Variants in VWDE observed in about 807,000 individuals in gnomAD.
VWDE encodes the protein von Willebrand factor D and EGF domains.
Under a neutral mutation model 178.4 loss-of-function variants are expected in VWDE, and 207 were observed. The observed-to-expected ratio is 1.16, with a 90% CI of 1.04 to 1.30. The LOEUF is 1.30. Ranked by LOEUF, VWDE falls within the 50% of genes most tolerant of loss-of-function variation. The pLI is 0.00. For synonymous variants in VWDE, 738 were observed against 651.4 expected, an observed-to-expected ratio of 1.13 and a Z score of -2.02; for missense variants, 2,287 against 1,901.3, an observed-to-expected ratio of 1.20 and a Z score of -3.77.
chr7:12,356,619 T>TA (rs1334954979), intron 17 of VWDE, among the ~76,000 whole-genome samples: 2 of 152,088 alleles, frequency 1.3e-5, no homozygotes, highest in African/African-American at 4.8e-5. Flanking sequence ...TAGAACAACT[T>TA]AAAAAATCAT....
At chr7:12,370,627 T>C in intron 11 of VWDE, 29 bp downstream of exon 11, 2 of 1,546,142 alleles carry the variant, frequency 1.3e-6, no homozygotes, top group Non-Finnish European at 1.7e-6. Context: ...AATATTAATA[T>C]AATCGCAAGT....
intron 13 of VWDE, among the ~76,000 whole-genome samples, chr7:12,365,979 A>T (rs1782837279): frequency 6.6e-6 from 1 of 151,880 alleles, no homozygotes; most frequent in Non-Finnish European, 1.5e-5. Context: ...TCATGAGGGC[A>T]GTTTCTCCCA....
chr7:12,396,139 C>G, intron 1 of VWDE, among the ~76,000 whole-genome samples: 1 of 151,874 alleles, frequency 6.6e-6, no homozygotes, highest in Non-Finnish European at 1.5e-5. Context: ...AATAGATCCA[C>G]AGTGATAGCA....
At chr7:12,344,149 T>C (rs1781474349) in intron 21 of VWDE, 46 bp downstream of exon 21, 2 of 1,477,660 alleles carry the variant, frequency 1.4e-6, no homozygotes, top group Non-Finnish European at 1.8e-6. Flanking sequence ...AAGAAAATTA[T>C]GCTATATTTT....
chr7:12,380,174 C>T (rs538075507), intron 5 of VWDE, among the ~76,000 whole-genome samples: 1 of 150,624 alleles, frequency 6.6e-6, no homozygotes, highest in Non-Finnish European at 1.5e-5. Flanking sequence ...CTAGAATAAA[C>T]GTATATAATT....
intron 22 of VWDE, 127 bp from the exon 23 acceptor site, chr7:12,342,281 A>G (rs982728220): frequency 1.7e-6 from 1 of 585,530 alleles, no homozygotes; most frequent in Admixed American, 3.0e-5. Context: ...GAAAGATAAA[A>G]TACAATTTAT....
chr7:12,390,457 A>G (rs1409823649), intron 2 of VWDE, among the ~76,000 whole-genome samples: 1 of 151,938 alleles, frequency 6.6e-6, no homozygotes, highest in East Asian at 1.9e-4. Flanking sequence ...TGGCTAAAAA[A>G]TCGTTAGCCA....
At chr7:12,378,969 A>G in intron 6 of VWDE, among the ~76,000 whole-genome samples, 1 of 152,022 alleles carries the variant, frequency 6.6e-6, no homozygotes, top group East Asian at 1.9e-4. Flanking sequence ...ACTGCTTATT[A>G]ATTCCCTGTC....
chr7:12,379,378 G>C, intron 6 of VWDE, 99 bp downstream of exon 6: 1 of 742,084 alleles, frequency 1.3e-6, no homozygotes, highest in Non-Finnish European at 2.0e-6. Context: ...TTCCGATTCA[G>C]TCTGTGATGA....
chr7:12,384,231 G>C (rs1211176689), intron 3 of VWDE, among the ~76,000 whole-genome samples: 1 of 152,108 alleles, frequency 6.6e-6, no homozygotes, highest in Non-Finnish European at 1.5e-5. Flanking sequence ...TGAGTATTAA[G>C]TGAAAGAAGC....
chr7:12,371,260 T>C (rs1783182922), intron 10 of VWDE, among the ~76,000 whole-genome samples: 1 of 152,180 alleles, frequency 6.6e-6, no homozygotes, highest in Admixed American at 6.6e-5. Context: ...CAGATGAATA[T>C]AATTTCAGAG....
At chr7:12,339,504 C>T (rs1030600513) in intron 24 of VWDE, among the ~76,000 whole-genome samples, 8 of 152,060 alleles carry the variant, frequency 5.3e-5, no homozygotes, top group African/African-American at 1.4e-4. Context: ...TCGCTATGCC[C>T]GTATATCCTG....
At position 12,333,459 on chromosome 7, in the gene VWDE, A is replaced by G; in HGVS notation, c.4758+6T>C. The G allele has an allele frequency of 4.6e-6, 7 of 1,523,084 alleles. No homozygotes were observed. Among genetic ancestry groups the G allele is most frequent in the Non-Finnish European group, 6.2e-6 (7 of 1,125,276 alleles). 94.3% of individuals were successfully genotyped at this position (1,523,084 alleles called of 1,614,324 possible). On this transcript the variant is annotated splice_donor_region_variant and intron_variant, in intron 28 of 28. Coordinates refer to ENST00000275358, the MANE Select transcript of VWDE (RefSeq NM_001135924.3). ...ATATTTATTTTCTCTTTAAACTCTG[A>G]AATACCTGTATTTTCTTCTCACATT...
intron 19 of VWDE, among the ~76,000 whole-genome samples, chr7:12,345,070 T>C (rs1462857034): frequency 2.0e-5 from 3 of 152,140 alleles, no homozygotes; most frequent in African/African-American, 7.2e-5. Context: ...GGGGTTCATG[T>C]GGATAATATG....
intron 13 of VWDE, among the ~76,000 whole-genome samples, chr7:12,362,121 G>A (rs954337584): frequency 4.0e-5 from 6 of 151,866 alleles, no homozygotes; most frequent in African/African-American, 1.5e-4. Context: ...ACAAAACTAT[G>A]GAGTGGTTGG....
chr7:12,363,208 C>A (rs553595368), intron 13 of VWDE, among the ~76,000 whole-genome samples: 1 of 152,056 alleles, frequency 6.6e-6, no homozygotes, highest in African/African-American at 2.4e-5. Context: ...TTCAAAAAAG[C>A]AAACACTTCT....
intron 13 of VWDE, among the ~76,000 whole-genome samples, chr7:12,362,466 C>A (rs1358334682): frequency 6.6e-6 from 1 of 152,072 alleles, no homozygotes; most frequent in Non-Finnish European, 1.5e-5. Flanking sequence ...TTAAGCTACA[C>A]TTTTAGTATT....
intron 3 of VWDE, 67 bp downstream of exon 3, chr7:12,389,060 C>A (rs1029918909): frequency 4.6e-6 from 5 of 1,091,338 alleles, no homozygotes; most frequent in Non-Finnish European, 4.1e-6. Context: ...TACAACCTAT[C>A]CAGAGAATGG....
Position 12,373,160 on chromosome 7 carries a change from G to A in VWDE, c.1404C>T (p.Cys468=), listed in dbSNP as rs1346004661. The part of the protein sequence containing the change: ...DFEVHVRQWD[C]RSLHYPVSCN... Reference sequence around the variant, plus strand: ...ATGACACTGGATAGTGAAGGCTTCTGCAGTCCCACTGACGTACATGGACTT... The same window carrying A: ...ATGACACTGGATAGTGAAGGCTTCTACAGTCCCACTGACGTACATGGACTT... Residue 468 remains cysteine (C), a synonymous_variant, in exon 10 of 29, where the codon TGC becomes TGT. Coordinates refer to ENST00000275358, the MANE Select transcript of VWDE (RefSeq NM_001135924.3). 1.3e-6 allele frequency: 2 copies of A among 1,551,290 alleles called. No individual in the cohort carries two copies. Among genetic ancestry groups the A allele is most frequent in the South Asian group, 2.4e-5 (2 of 84,048 alleles).
Sources: gnomAD v4.1 joint callset for allele counts (sites outside exome capture counted in the v4.1 genomes callset) on GRCh38, gnomAD v4.1.1 for gene constraint, MANE v1.5 for transcripts, NCBI Gene and HGNC (gene_info 2026-07-23, HGNC 2026-07-21) for gene names.